The following FAM13A variants were observed in gnomAD, a reference collection of about 807,000 sequenced individuals.
FAM13A encodes protein FAM13A.
In FAM13A, 76 loss-of-function variants were observed where a neutral mutation model predicts 129.6. The ratio of observed to expected loss-of-function variants is 0.59; its 90% CI spans 0.49 to 0.71. The LOEUF (loss-of-function observed/expected upper bound fraction) is 0.71, where lower values mean the gene tolerates loss of function less well. Ranked by LOEUF, FAM13A falls within the 30% of genes least tolerant of loss-of-function variation. FAM13A has a pLI of 0.00. For synonymous variants in FAM13A, 443 were observed against 449.9 expected (o/e 0.98, Z 0.20); for missense variants, 1,108 against 1,249.3 (o/e 0.89, Z 1.70).
At chr4:88,737,716 C>CT (rs1308611300) in intron 20 of FAM13A, 161 bp from the exon 21 acceptor site, 2 of 658,624 alleles carry the variant, frequency 3.0e-6, no homozygotes, top group Admixed American at 2.8e-5. Context: ...AACAAAAGTT[C>CT]TTTTTCCAAG....
At chr4:88,898,054 ATAAGTATGCATTAATTATGATTC>A (rs1277283264) in intron 6 of FAM13A, among the ~76,000 whole-genome samples, 2 of 152,166 alleles carry the variant, frequency 1.3e-5, no homozygotes, top group Non-Finnish European at 2.9e-5. Flanking sequence ...AGGGAGGATA[ATAAGTATGCATTAATTATGATTC>A]TTTACATAAA....
intron 6 of FAM13A, among the ~76,000 whole-genome samples, chr4:88,870,248 A>G (rs1466676871): frequency 6.6e-6 from 1 of 152,154 alleles, no homozygotes; most frequent in Non-Finnish European, 1.5e-5. Flanking sequence ...TGCATTTCCA[A>G]CTGAGGTACC....
intron 3 of FAM13A, among the ~76,000 whole-genome samples, chr4:88,997,271 C>CT (rs1763672264): frequency 2.0e-5 from 3 of 152,172 alleles, no homozygotes; most frequent in Admixed American, 6.5e-5. Context: ...TAATGGTTCA[C>CT]AATTAAAATA....
At chr4:88,875,841 C>T (rs945581880) in intron 6 of FAM13A, among the ~76,000 whole-genome samples, 3 of 152,102 alleles carry the variant, frequency 2.0e-5, no homozygotes, top group Non-Finnish European at 2.9e-5. Flanking sequence ...TACTTGCACA[C>T]GTATGTTTAT....
At chr4:88,823,892 A>G (rs906279875) in intron 7 of FAM13A, among the ~76,000 whole-genome samples, 1 of 152,210 alleles carries the variant, frequency 6.6e-6, no homozygotes, top group Non-Finnish European at 1.5e-5. Context: ...TCTAATGAAA[A>G]TTGTTTCAAC....
chr4:88,850,107 C>T (rs374628252), intron 7 of FAM13A, among the ~76,000 whole-genome samples: 11 of 151,880 alleles, frequency 7.2e-5, no homozygotes, highest in African/African-American at 1.5e-4. Flanking sequence ...CTTTCAACTT[C>T]CTGGAGTATT....
intron 1 of FAM13A, among the ~76,000 whole-genome samples, chr4:89,054,106 T>C (rs1192292347): frequency 2.0e-4 from 30 of 152,182 alleles, no homozygotes; most frequent in Admixed American, 2.0e-3. Context: ...CAATACATTT[T>C]TGAGCCTACA....
intron 10 of FAM13A, 124 bp from the exon 11 acceptor site, chr4:88,781,475 C>G: frequency 1.7e-6 from 1 of 590,684 alleles, no homozygotes; most frequent in East Asian, 3.2e-5. Context: ...GTATGCATCT[C>G]TGATCAAAAT....
At chr4:88,913,568 A>C (rs531785909) in intron 5 of FAM13A, among the ~76,000 whole-genome samples, 1 of 152,220 alleles carries the variant, frequency 6.6e-6, no homozygotes, top group East Asian at 1.9e-4. Context: ...AGGAGGAAGA[A>C]GAAGAAAAAA....
intron 13 of FAM13A, among the ~76,000 whole-genome samples, chr4:88,762,812 A>T (rs1449152214): frequency 6.6e-6 from 1 of 152,058 alleles, no homozygotes; most frequent in Non-Finnish European, 1.5e-5. Flanking sequence ...TGTCAAAAGC[A>T]TTCTCAAATA....
At chr4:88,798,783 T>C (rs1726791917) in intron 8 of FAM13A, among the ~76,000 whole-genome samples, 1 of 152,188 alleles carries the variant, frequency 6.6e-6, no homozygotes, top group African/African-American at 2.4e-5. Flanking sequence ...GGCAGTCTGC[T>C]ACCTGTTTAA....
chr4:88,929,489 T>TC (rs140956069), intron 5 of FAM13A, among the ~76,000 whole-genome samples: 1,731 of 139,442 alleles, frequency 0.012, 29 homozygotes, highest in African/African-American at 0.041. Context: ...TTCTAAACTT[T>TC]TTTTTATCCC....
chr4:88,817,272 T>C (rs551692887), intron 7 of FAM13A, among the ~76,000 whole-genome samples: 1 of 152,176 alleles, frequency 6.6e-6, no homozygotes, highest in Admixed American at 6.5e-5. Flanking sequence ...GTTAAAAAAT[T>C]ATTTCTATAG....
At chr4:88,988,272 A>G (rs531955568) in intron 4 of FAM13A, among the ~76,000 whole-genome samples, 4 of 152,348 alleles carry the variant, frequency 2.6e-5, no homozygotes, top group Non-Finnish European at 5.9e-5. Context: ...CTTTATTAAG[A>G]CATACTAAAG....
At chr4:88,959,329 T>C (rs970416873) in intron 4 of FAM13A, among the ~76,000 whole-genome samples, 2 of 152,142 alleles carry the variant, frequency 1.3e-5, no homozygotes, top group Non-Finnish European at 2.9e-5. Flanking sequence ...ATCTCCAGTG[T>C]TGGTAGTGGG....
chr4:89,037,171 C>T (rs1253607029), intron 1 of FAM13A, among the ~76,000 whole-genome samples: 3 of 152,222 alleles, frequency 2.0e-5, no homozygotes, highest in African/African-American at 4.8e-5. Context: ...CCTGGAAAAG[C>T]TGTAAGCAAT....
intron 13 of FAM13A, among the ~76,000 whole-genome samples, chr4:88,763,303 T>TCATTCATA (rs1432602013): frequency 3.9e-5 from 6 of 152,278 alleles, no homozygotes; most frequent in African/African-American, 1.4e-4. Flanking sequence ...ATTCATTCAT[T>TCATTCATA]CATTCATACA....
chr4:89,023,951 G>A (rs974460419), intron 2 of FAM13A, among the ~76,000 whole-genome samples: 1 of 152,142 alleles, frequency 6.6e-6, no homozygotes, highest in Non-Finnish European at 1.5e-5. Context: ...ATATTTGGAT[G>A]ACTTCATGAA....
At chr4:88,899,653 T>C (rs1044712335) in intron 6 of FAM13A, among the ~76,000 whole-genome samples, 1 of 151,980 alleles carries the variant, frequency 6.6e-6, no homozygotes, top group South Asian at 2.1e-4. Flanking sequence ...AAACAAATGA[T>C]CAAATTCTCA....
Sources: allele counts gnomAD v4.1 joint callset (sites outside exome capture counted in the v4.1 genomes callset), GRCh38; gene constraint gnomAD v4.1.1; transcripts MANE v1.5; gene names NCBI Gene and HGNC (gene_info 2026-07-23, HGNC 2026-07-21).